Variants in SDHAF4 observed in about 807,000 individuals in gnomAD.
SDHAF4 encodes succinate dehydrogenase assembly factor 4, mitochondrial.
In SDHAF4, 14 loss-of-function variants were observed where a neutral mutation model predicts 14.3. The ratio of observed to expected loss-of-function variants is 0.98; its 90% CI spans 0.65 to 1.53. SDHAF4 has a LOEUF of 1.53. SDHAF4 is among the 40% of genes most tolerant of loss of function. The pLI, the probability that SDHAF4 is intolerant of heterozygous loss-of-function variation, is 0.00. For synonymous variants in SDHAF4, 63 were observed against 47.3 expected, an observed-to-expected ratio of 1.33 and a Z score of -1.36; for missense variants, 141 against 129.3, an observed-to-expected ratio of 1.09 and a Z score of -0.44.
the SDHAF4 span, chr6:70,596,555 CT>C: frequency 1.1e-4 from 17 of 152,214 alleles, no homozygotes; most frequent in Non-Finnish European, 1.8e-4. Flanking sequence ...ACATGGATAA[CT>C]TTTTAAAAAC....
At chr6:70,580,851 A>G (rs1802312864) in intron 2 of SDHAF4, among the ~76,000 whole-genome samples, 1 of 152,196 alleles carries the variant, frequency 6.6e-6, no homozygotes, top group Non-Finnish European at 1.5e-5. Flanking sequence ...TTTAGTGGGT[A>G]CAGAGTTCAT....
intron 2 of SDHAF4, among the ~76,000 whole-genome samples, chr6:70,588,350 T>C (rs1199023038): frequency 1.3e-5 from 2 of 152,094 alleles, no homozygotes; most frequent in Non-Finnish European, 2.9e-5. Context: ...TGAAACCCCT[T>C]CTCTACTAAA....
intron 1 of SDHAF4, among the ~76,000 whole-genome samples, chr6:70,575,070 C>T (rs912602077): frequency 3.9e-5 from 6 of 152,140 alleles, no homozygotes; most frequent in South Asian, 2.1e-4. Context: ...CTGTATCCTA[C>T]GATCTAGGCA....
chr6:70,568,676 G>A (rs1802136756), intron 1 of SDHAF4, among the ~76,000 whole-genome samples: 1 of 152,168 alleles, frequency 6.6e-6, no homozygotes, highest in Non-Finnish European at 1.5e-5. Flanking sequence ...ATTAGTGGAA[G>A]GAGTAGAATT....
intron 1 of SDHAF4, among the ~76,000 whole-genome samples, chr6:70,571,023 A>G (rs559805341): frequency 5.4e-4 from 82 of 152,308 alleles, no homozygotes; most frequent in African/African-American, 1.9e-3. Flanking sequence ...GAAAAAAAAA[A>G]TATGGTATTA....
intron 1 of SDHAF4, among the ~76,000 whole-genome samples, chr6:70,574,663 CG>C (rs1478007326): frequency 6.6e-6 from 1 of 151,972 alleles, no homozygotes; most frequent in Non-Finnish European, 1.5e-5. Flanking sequence ...CAGCTGGGTG[CG>C]GTGGCTCACA....
chr6:70,579,487 G>A lies in SDHAF4; in HGVS notation c.138G>A (p.Gln46=). 6.2e-7 allele frequency: 1 copy of A among 1,611,810 alleles called. No individual in the cohort carries two copies. The highest frequency in any genetic ancestry group is 8.5e-7 in the Non-Finnish European group (1 of 1,178,786). ...SQGGKSELVK[Q]SLKKPKLPEG... ...GAGGAAAGTCTGAACTTGTCAAACA[G>A]TCCCTTAAGAAGCCGAAGTTACCAG... is the stretch of plus-strand genomic sequence containing the variant. The change falls in exon 2 of 3, where the codon CAG becomes CAA. Residue 46 remains glutamine (Q), a synonymous_variant. Coordinates refer to ENST00000370474, the MANE Select transcript of SDHAF4 (RefSeq NM_145267.3).
intron 1 of SDHAF4, among the ~76,000 whole-genome samples, chr6:70,576,332 T>G (rs552592014): frequency 6.6e-6 from 1 of 152,344 alleles, no homozygotes; most frequent in South Asian, 2.1e-4. Context: ...AAAACTGGTC[T>G]TTCAACTTTT....
chr6:70,582,840 T>A (rs1477930429), intron 2 of SDHAF4, among the ~76,000 whole-genome samples: 1 of 152,212 alleles, frequency 6.6e-6, no homozygotes, highest in Non-Finnish European at 1.5e-5. Flanking sequence ...TCCTTCCTTC[T>A]AGTCTTGTCT....
At chr6:70,589,595 A>T (rs1223908648), downstream of SDHAF4, 1 of 152,194 alleles carries the variant, frequency 6.6e-6, no homozygotes, top group African/African-American at 2.4e-5. Flanking sequence ...GTGCTAGGGG[A>T]TAGTGGCTTT....
chr6:70,579,654 G>C, intron 2 of SDHAF4, 88 bp downstream of exon 2: 4 of 1,140,560 alleles, frequency 3.5e-6, no homozygotes, highest in Non-Finnish European at 4.8e-6. Flanking sequence ...AAAGAAATTT[G>C]TTATTGCTTA....
intron 1 of SDHAF4, among the ~76,000 whole-genome samples, chr6:70,568,073 A>G (rs1319268989): frequency 1.3e-5 from 2 of 152,238 alleles, no homozygotes; most frequent in African/African-American, 2.4e-5. Context: ...CCAGATTTCT[A>G]TGCAATTTGT....
At chr6:70,568,201 G>A (rs1326954468) in intron 1 of SDHAF4, among the ~76,000 whole-genome samples, 1 of 151,980 alleles carries the variant, frequency 6.6e-6, no homozygotes, top group East Asian at 1.9e-4. Flanking sequence ...CAAACCTCAA[G>A]GTAATAACGT....
intron 1 of SDHAF4, among the ~76,000 whole-genome samples, chr6:70,572,908 CTT>C (rs1271427518): frequency 1.3e-5 from 2 of 152,098 alleles, no homozygotes; most frequent in Admixed American, 1.3e-4. Context: ...AACATAAAGA[CTT>C]TTGTATAGTC....
chr6:70,595,541 C>T, the SDHAF4 span, among the ~76,000 whole-genome samples: 2 of 152,266 alleles, frequency 1.3e-5, no homozygotes, highest in Non-Finnish European at 2.9e-5. Flanking sequence ...CAGTCAACCT[C>T]CAACTGCCCA....
chr6:70,587,779 T>A (rs1471800293), intron 2 of SDHAF4, among the ~76,000 whole-genome samples: 1 of 152,194 alleles, frequency 6.6e-6, no homozygotes, highest in East Asian at 1.9e-4. Flanking sequence ...GTGCTGAGAA[T>A]TGAGCCTGGC....
At chr6:70,582,571 C>T (rs1765144899) in intron 2 of SDHAF4, among the ~76,000 whole-genome samples, 1 of 152,164 alleles carries the variant, frequency 6.6e-6, no homozygotes, top group Non-Finnish European at 1.5e-5. Context: ...CTCCCACCTG[C>T]CTGATCTCAT....
At position 70,572,853 on chromosome 6, in the gene SDHAF4, G is replaced by T. The variant is rs73480278; in HGVS notation, c.64+5849G>T. ...ATGCACAGGTATGTGTGTTTTGGGT[G>T]GGATTTTGATTTTGATAAAACCTAT... On this transcript the variant is annotated intron_variant, in intron 1 of 2. Coordinates refer to ENST00000370474, the MANE Select transcript of SDHAF4 (RefSeq NM_145267.3). 4.0e-3 allele frequency among the ~76,000 whole-genome samples: 612 copies of T among 152,094 alleles called. 3 individuals are homozygous for T. The highest frequency in any genetic ancestry group is 0.014 in the African/African-American group (592 of 41,510).
chr6:70,579,606 A>G (rs976375290), intron 2 of SDHAF4, 40 bp downstream of exon 2: 1 of 1,513,812 alleles, frequency 6.6e-7, no homozygotes, highest in Non-Finnish European at 8.9e-7. Context: ...TGAAGTATCA[A>G]GGAAAGTGTT....
Sources: allele counts gnomAD v4.1 joint callset (sites outside exome capture counted in the v4.1 genomes callset), GRCh38; gene constraint gnomAD v4.1.1; transcripts MANE v1.5; gene names NCBI Gene and HGNC (gene_info 2026-07-23, HGNC 2026-07-21).